The following AP3M1 variants were observed in gnomAD, a reference collection of about 807,000 sequenced individuals.
The protein encoded by AP3M1 is AP-3 complex subunit mu-1.
In AP3M1, 29 loss-of-function variants were observed where a neutral mutation model predicts 42.6. The observed-to-expected ratio is 0.68, with a 90% CI of 0.51 to 0.93. AP3M1 has a LOEUF of 0.93. AP3M1 is among the 40% of genes least tolerant of loss of function. The probability of loss-of-function intolerance (pLI) is 0.00; values close to 1 mark genes in which losing one functional copy is unlikely to be tolerated. For missense variants in AP3M1, 416 were observed against 510.2 expected (o/e 0.82, Z 1.78); for synonymous variants, 178 against 175.3 (o/e 1.02, Z -0.12).
chr10:74,123,753 G>A lies in AP3M1; in HGVS notation c.*57C>T. The A allele has an allele frequency of 7.6e-7, 1 of 1,319,030 alleles. No individual in the cohort carries two copies. Among genetic ancestry groups the A allele is most frequent in the East Asian group, 2.3e-5 (1 of 43,534 alleles). The allele number at this position is 1,319,030 out of a possible 1,614,324, so 81.7% of individuals were successfully genotyped here. A position where few individuals can be genotyped will look rare whatever the true frequency, so the allele number is the denominator to read the frequency against. On this transcript the variant is annotated 3_prime_UTR_variant, in exon 9 of 9. Transcript: ENST00000355264. ...TCCCACTCACTTGGTACCTAATAGT[G>A]ATACATCGTAATGACACTTGGAAAA...
intron 5 of AP3M1, 144 bp from the exon 6 acceptor site, chr10:74,129,385 A>G: frequency 1.4e-6 from 1 of 712,652 alleles, no homozygotes; most frequent in South Asian, 2.3e-5. Context: ...ATAGTTTCAT[A>G]ATGCTTTAAA....
chr10:74,137,548 G>A (rs373358082), intron 2 of AP3M1, among the ~76,000 whole-genome samples: 13 of 152,258 alleles, frequency 8.5e-5, no homozygotes, highest in African/African-American at 2.6e-4. Flanking sequence ...AACTGTATGC[G>A]GAGGGCATTA....
chr10:74,136,518 CTT>C, intron 3 of AP3M1, 112 bp downstream of exon 3: 1 of 807,832 alleles, frequency 1.2e-6, no homozygotes, highest in Non-Finnish European at 1.7e-6. Flanking sequence ...TTACCAGTAA[CTT>C]TAATTATGGC....
Position 74,121,873 on chromosome 10 carries a change from C to G in AP3M1, c.*1937G>C, listed in dbSNP as rs1840473592. 1 of 152,162 alleles carries G rather than the reference C, an allele frequency of 6.6e-6. No homozygotes were observed. The allele number at this position is 152,162 out of a possible 1,614,324, so 9.4% of individuals were successfully genotyped here. On this transcript the variant is annotated 3_prime_UTR_variant, in exon 9 of 9. Transcript: ENST00000355264. ...TTTGATTGTAAAAGGAAACATTCTACTTGGACATTTTAGTAGAAATTGCTA... is the reference window on the plus strand; with the variant it reads ...TTTGATTGTAAAAGGAAACATTCTAGTTGGACATTTTAGTAGAAATTGCTA...
In AP3M1 at chr10:74,129,927, C is replaced by G; in HGVS notation, c.649G>C (p.Asp217His). Residue 217 changes from aspartate to histidine, a missense_variant, in exon 5 of 9, where the codon GAT becomes CAT. By Grantham distance (81) the Asp-to-His change is moderately conservative. Transcript: ENST00000355264. ...DACIKLSGMP[D>H]LSLSFMNPRL... ...CTTACCATGAAAGAAAGGGAGAGATCAGGCATTCCAGATAGTTTAATGCAA... is the reference window on the plus strand; with the variant it reads ...CTTACCATGAAAGAAAGGGAGAGATGAGGCATTCCAGATAGTTTAATGCAA... 6.2e-7 allele frequency: 1 copy of G among 1,613,260 alleles called. No individual in the cohort carries two copies.
intron 8 of AP3M1, 37 bp from the exon 9 acceptor site, chr10:74,123,947 C>A (rs540925692): frequency 6.5e-7 from 1 of 1,542,840 alleles, no homozygotes; most frequent in Admixed American, 1.7e-5. Context: ...AAATTATCAT[C>A]ATCCCAACCA....
chr10:74,136,601 C>G, intron 3 of AP3M1, 31 bp downstream of exon 3: 1 of 1,427,890 alleles, frequency 7.0e-7, no homozygotes, highest in Non-Finnish European at 9.3e-7. Context: ...TTTAATTGCT[C>G]AGTTACTAGC....
At chr10:74,143,218 G>T (rs533697840) in intron 1 of AP3M1, among the ~76,000 whole-genome samples, 1 of 152,342 alleles carries the variant, frequency 6.6e-6, no homozygotes, top group South Asian at 2.1e-4. Flanking sequence ...GGGCATGGTG[G>T]CGTGCGCCTG....
Position 74,138,093 on chromosome 10 carries a change from G to C in AP3M1, c.273+14C>G, listed in dbSNP as rs767115006. 1.3e-5 allele frequency: 21 copies of C among 1,609,738 alleles called. No homozygotes were observed. The highest frequency in any genetic ancestry group is 1.7e-5 in the Admixed American group (1 of 59,554). On this transcript the variant is annotated intron_variant, in intron 2 of 8. Transcript: ENST00000355264. ...TGGGTCATTTAACTTAGAAAGGTAT[G>C]ATAGATAACCAACCTGAAAAGTGTC...
chr10:74,142,825 C>A (rs1028458027), intron 1 of AP3M1, among the ~76,000 whole-genome samples: 3 of 152,184 alleles, frequency 2.0e-5, no homozygotes, highest in African/African-American at 7.2e-5. Context: ...AGCTGATAAA[C>A]TTTTCATTTT....
At chr10:74,134,499 C>A (rs960151692) in intron 3 of AP3M1, among the ~76,000 whole-genome samples, 1 of 152,218 alleles carries the variant, frequency 6.6e-6, no homozygotes, top group African/African-American at 2.4e-5. Context: ...TGTTTCAAAA[C>A]CTTCTGCCAA....
intron 1 of AP3M1, among the ~76,000 whole-genome samples, chr10:74,147,242 G>A (rs145349204): frequency 6.2e-4 from 95 of 152,124 alleles, no homozygotes; most frequent in African/African-American, 2.1e-3. Flanking sequence ...CCGAGATGGC[G>A]CCACTGCACT....
At chr10:74,142,300 C>G (rs1258012544) in intron 1 of AP3M1, among the ~76,000 whole-genome samples, 1 of 152,124 alleles carries the variant, frequency 6.6e-6, no homozygotes, top group East Asian at 1.9e-4. Context: ...AATTTAAGAC[C>G]TATGAATACA....
rs1564542081 is a variant in AP3M1, at chr10:74,124,527, TA to T, written c.1012-4del. ...TTTCCCACATCCCATGTTAGTACCT[TA>T]AAAAGACAAAAAATGAAAAACAAAT... is the stretch of plus-strand genomic sequence containing the variant. On this transcript the variant is annotated splice_region_variant and splice_polypyrimidine_tract_variant and intron_variant, in intron 7 of 8. Transcript: ENST00000355264. 1.9e-6 allele frequency: 3 copies of T among 1,575,694 alleles called. No individual in the cohort carries two copies. Among genetic ancestry groups the T allele is most frequent in the Non-Finnish European group, 1.7e-6 (2 of 1,167,030 alleles).
intron 1 of AP3M1, among the ~76,000 whole-genome samples, chr10:74,147,842 T>C (rs903834984): frequency 7.2e-5 from 11 of 151,928 alleles, no homozygotes; most frequent in South Asian, 6.2e-4. Flanking sequence ...CTACTAAAAA[T>C]ACAAAAGTTA....
intron 1 of AP3M1, among the ~76,000 whole-genome samples, chr10:74,147,440 C>G (rs1841365808): frequency 1.3e-5 from 2 of 152,094 alleles, no homozygotes; most frequent in Non-Finnish European, 2.9e-5. Flanking sequence ...ATTATTCTTT[C>G]TTTTTCAACT....
chr10:74,147,935 G>GTTGCAGTGAGCCGAGA lies in AP3M1; in HGVS notation c.-4+2804_-4+2819dup, dbSNP rs541197160. Among the ~76,000 whole-genome samples the GTTGCAGTGAGCCGAGA allele has an allele frequency of 2.2e-3, 330 of 152,218 alleles. 2 individuals carry two copies. Among genetic ancestry groups the GTTGCAGTGAGCCGAGA allele is most frequent in the African/African-American group, 7.5e-3 (312 of 41,524 alleles). On this transcript the variant is annotated intron_variant, in intron 1 of 8. Transcript: ENST00000355264. ...AATCACTTGAACTCTGGAGGCGGAG[G>GTTGCAGTGAGCCGAGA]TTGCAGTGAGCCGAGATTGCCATTG... is the stretch of plus-strand genomic sequence containing the variant.
In AP3M1 at chr10:74,122,570, G is replaced by A. The variant is rs3812627; in HGVS notation, c.*1240C>T. On this transcript the variant is annotated 3_prime_UTR_variant, in exon 9 of 9. Transcript: ENST00000355264. ...CTGTTGACTGACTTTCCAAAACCAC[G>A]GTGATCGGTAGAGTATCATCAATGT... 6.6e-6 allele frequency: 1 copy of A among 151,958 alleles called. No homozygotes were observed. Among genetic ancestry groups the A allele is most frequent in the Non-Finnish European group, 1.5e-5 (1 of 68,022 alleles). The allele number at this position is 151,958 out of a possible 1,614,324, so 9.4% of individuals were successfully genotyped here. A position where few individuals can be genotyped will look rare whatever the true frequency, so the allele number is the denominator to read the frequency against.
At chr10:74,150,663 C>A in intron 1 of AP3M1, 92 bp downstream of exon 1, 1 of 153,788 alleles carries the variant, frequency 6.5e-6, no homozygotes, top group Non-Finnish European at 1.5e-5. Context: ...GCTCCTAGAG[C>A]CCAGATCGGA....
Sources: gnomAD v4.1 joint callset for allele counts (sites outside exome capture counted in the v4.1 genomes callset) on GRCh38, gnomAD v4.1.1 for gene constraint, MANE v1.5 for transcripts, NCBI Gene and HGNC (gene_info 2026-07-23, HGNC 2026-07-21) for gene names.